Variants in PRKCE observed in about 807,000 individuals in gnomAD.
PRKCE encodes the protein protein kinase C epsilon type.
PRKCE carries 16 observed loss-of-function variants against 85.4 expected under a neutral mutation model. That is an observed-to-expected ratio of 0.19 (90% CI 0.13 to 0.28). PRKCE has a LOEUF of 0.28. PRKCE is among the 10% of genes least tolerant of loss of function. The pLI is 1.00. For synonymous variants in PRKCE, 388 were observed against 371.5 expected (o/e 1.04, Z -0.51); for missense variants, 573 against 975.2 (o/e 0.59, Z 5.49).
intron 2 of PRKCE, among the ~76,000 whole-genome samples, chr2:45,927,055 A>G (rs1364000346): frequency 6.6e-6 from 1 of 152,026 alleles, no homozygotes; most frequent in Non-Finnish European, 1.5e-5. Flanking sequence ...GGATGGTGAG[A>G]ATTATAGAAT....
At chr2:45,903,367 T>C (rs1174482479) in intron 2 of PRKCE, among the ~76,000 whole-genome samples, 1 of 152,222 alleles carries the variant, frequency 6.6e-6, no homozygotes, top group East Asian at 1.9e-4. Flanking sequence ...CATCCCCTTT[T>C]CTTCACTTGA....
intron 2 of PRKCE, among the ~76,000 whole-genome samples, chr2:45,877,230 G>T (rs1261195665): frequency 6.6e-6 from 1 of 152,002 alleles, no homozygotes; most frequent in Non-Finnish European, 1.5e-5. Flanking sequence ...TAAAGATAAG[G>T]TCCCCTCACC....
chr2:45,936,672 C>T (rs60267068), intron 2 of PRKCE, among the ~76,000 whole-genome samples: 50 of 152,340 alleles, frequency 3.3e-4, no homozygotes, highest in African/African-American at 1.1e-3. Context: ...CCCTGCAGCC[C>T]TCTTTTTGCG....
At chr2:45,734,285 A>T (rs1361944267) in intron 1 of PRKCE, among the ~76,000 whole-genome samples, 1 of 151,966 alleles carries the variant, frequency 6.6e-6, no homozygotes, top group Non-Finnish European at 1.5e-5. Context: ...GAATCGCTTG[A>T]ACCTGGGAGG....
intron 2 of PRKCE, among the ~76,000 whole-genome samples, chr2:45,904,551 G>A (rs747606441): frequency 1.4e-4 from 22 of 152,174 alleles, no homozygotes; most frequent in Non-Finnish European, 2.8e-4. Context: ...AGGCGTGCTC[G>A]GTGGGTTGGG....
chr2:45,680,509 C>T (rs1479010819), intron 1 of PRKCE, among the ~76,000 whole-genome samples: 2 of 152,162 alleles, frequency 1.3e-5, no homozygotes, highest in Non-Finnish European at 2.9e-5. Context: ...CAGGGTTAAA[C>T]TTTAAAGTTG....
chr2:45,987,617 C>A (rs1403640947), intron 6 of PRKCE, among the ~76,000 whole-genome samples: 1 of 151,950 alleles, frequency 6.6e-6, no homozygotes. Context: ...GCATCCCCAC[C>A]ACAGCAGCAC....
chr2:45,662,392 G>A (rs1000723144), intron 1 of PRKCE, among the ~76,000 whole-genome samples: 3 of 151,992 alleles, frequency 2.0e-5, no homozygotes, highest in Non-Finnish European at 4.4e-5. Flanking sequence ...TCCTTTCAGA[G>A]CCTGGGGAAA....
intron 1 of PRKCE, among the ~76,000 whole-genome samples, chr2:45,668,661 C>T (rs1461592148): frequency 6.6e-6 from 1 of 152,114 alleles, no homozygotes; most frequent in East Asian, 1.9e-4. Flanking sequence ...TCACTTTTCA[C>T]CCTCTCGGTG....
At chr2:45,728,831 A>G (rs1198671301) in intron 1 of PRKCE, among the ~76,000 whole-genome samples, 1 of 152,196 alleles carries the variant, frequency 6.6e-6, no homozygotes, top group Non-Finnish European at 1.5e-5. Flanking sequence ...TATGACCATC[A>G]TCTCTCCTTT....
At chr2:45,761,099 G>T (rs1684441476) in intron 1 of PRKCE, among the ~76,000 whole-genome samples, 1 of 152,042 alleles carries the variant, frequency 6.6e-6, no homozygotes, top group Non-Finnish European at 1.5e-5. Flanking sequence ...AGGCCAAGGT[G>T]GGCGGATCAC....
At chr2:45,728,815 G>A (rs927000482) in intron 1 of PRKCE, among the ~76,000 whole-genome samples, 2 of 152,318 alleles carry the variant, frequency 1.3e-5, no homozygotes, top group South Asian at 4.1e-4. Context: ...AACTGTATGA[G>A]GAAGGTATGA....
intron 2 of PRKCE, among the ~76,000 whole-genome samples, chr2:45,929,937 A>G (rs572555255): frequency 6.6e-6 from 1 of 152,340 alleles, no homozygotes; most frequent in African/African-American, 2.4e-5. Flanking sequence ...TCTAATGCCC[A>G]GCATAGTGCC....
chr2:46,084,353 G>T (rs1334323450), intron 10 of PRKCE, among the ~76,000 whole-genome samples: 1 of 152,134 alleles, frequency 6.6e-6, no homozygotes, highest in Non-Finnish European at 1.5e-5. Flanking sequence ...GAAGCTCATT[G>T]GTAAATGTTA....
At chr2:45,839,202 A>G (rs1312678515) in intron 1 of PRKCE, among the ~76,000 whole-genome samples, 4 of 152,122 alleles carry the variant, frequency 2.6e-5, no homozygotes, top group African/African-American at 9.7e-5. Context: ...TTTTCATGAC[A>G]ACCCATTTCA....
At chr2:45,797,696 T>G (rs929672419) in intron 1 of PRKCE, among the ~76,000 whole-genome samples, 1 of 152,128 alleles carries the variant, frequency 6.6e-6, no homozygotes, top group African/African-American at 2.4e-5. Flanking sequence ...ATGGCTGGAG[T>G]CCACATGCTC....
chr2:46,142,325 A>G (rs1013326345), intron 11 of PRKCE, among the ~76,000 whole-genome samples: 2 of 152,204 alleles, frequency 1.3e-5, no homozygotes, highest in Non-Finnish European at 2.9e-5. Flanking sequence ...ATGGAACCGA[A>G]GACCCCCAGA....
chr2:45,653,086 T>C (rs1675204518), intron 1 of PRKCE, among the ~76,000 whole-genome samples: 1 of 152,200 alleles, frequency 6.6e-6, no homozygotes. Flanking sequence ...AGAATGAATG[T>C]TGCATTTTAA....
chr2:46,125,472 G>T (rs1424244585), intron 11 of PRKCE, among the ~76,000 whole-genome samples: 1 of 152,198 alleles, frequency 6.6e-6, no homozygotes, highest in Non-Finnish European at 1.5e-5. Context: ...TCTCAAGTCG[G>T]TATATTGGAC....
Sources: gnomAD v4.1 joint callset for allele counts (sites outside exome capture counted in the v4.1 genomes callset) on GRCh38, gnomAD v4.1.1 for gene constraint, MANE v1.5 for transcripts, NCBI Gene and HGNC (gene_info 2026-07-23, HGNC 2026-07-21) for gene names.